Variants in SYNE2 observed in about 807,000 individuals in gnomAD.
The protein encoded by SYNE2 is nesprin-2.
SYNE2 carries 431 observed loss-of-function variants against 856.3 expected under a neutral mutation model. That is an observed-to-expected ratio of 0.50 (90% CI 0.47 to 0.55). SYNE2 has a LOEUF of 0.55. SYNE2 is among the 20% of genes least tolerant of loss of function. The pLI, the probability that SYNE2 is intolerant of heterozygous loss-of-function variation, is 0.00. For synonymous variants in SYNE2, 2,923 were observed against 2,872.3 expected (o/e 1.02, Z -0.56); for missense variants, 8,129 against 8,023.2 (o/e 1.01, Z -0.50).
intron 2 of SYNE2, among the ~76,000 whole-genome samples, chr14:63,916,037 C>T (rs1428336220): frequency 6.6e-6 from 1 of 150,494 alleles, no homozygotes; most frequent in Non-Finnish European, 1.5e-5. Flanking sequence ...AAATTGGGCA[C>T]CTTCAAGAAG....
At position 64,000,729 on chromosome 14, in the gene SYNE2, T is replaced by C. The variant is rs372607035; in HGVS notation, c.3638+10T>C. 5.0e-6 allele frequency: 8 copies of C among 1,608,336 alleles called. No homozygotes were observed. Among genetic ancestry groups the C allele is most frequent in the Non-Finnish European group, 6.8e-6 (8 of 1,177,176 alleles). ...TGACTCTTAATACCAGGTAAAATTC[T>C]GAGATCTATTAACTATGAATCTAAT... On this transcript the variant is annotated intron_variant, in intron 28 of 115. Coordinates refer to ENST00000555002, the MANE Select transcript of SYNE2 (RefSeq NM_182914.3).
intron 94 of SYNE2, 131 bp from the exon 95 acceptor site, chr14:64,174,813 G>A (rs2098426279): frequency 2.5e-6 from 2 of 791,338 alleles, no homozygotes. Flanking sequence ...TGTACATTCT[G>A]ACCCAATTTG....
chr14:63,978,932 A>G lies in SYNE2; in HGVS notation c.1487A>G (p.Asp496Gly). ...YYKCLVLGLV[D>G]EVKSKLDIWN... is the part of the protein sequence containing the mutation. ...AAGTGCTTAGTTCTTGGTTTGGTAG[A>G]TGAAGTGAAATCAAAATTGGATATT... Residue 496 changes from aspartate to glycine, a missense_variant, in exon 14 of 116, where the codon GAT (aspartate) becomes GGT (glycine). Asp to Gly is a moderately conservative substitution (Grantham distance 94). Around this residue, in one of 3 missense-constraint regions of SYNE2, gnomAD observed 2,422 missense variants for 2,357.4 expected, o/e 1.03. Transcript: ENST00000555002. The G allele has an allele frequency of 1.2e-6, 2 of 1,613,252 alleles. No homozygotes were observed. Among genetic ancestry groups the G allele is most frequent in the Non-Finnish European group, 1.7e-6 (2 of 1,179,284 alleles).
At chr14:63,784,266 G>A (rs1887429714) in intron 1 of SYNE2, among the ~76,000 whole-genome samples, 1 of 151,922 alleles carries the variant, frequency 6.6e-6, no homozygotes, top group South Asian at 2.1e-4. Flanking sequence ...GTTGAGGCGG[G>A]TGGATCACGA....
chr14:63,795,964 G>A (rs568701442), intron 1 of SYNE2, among the ~76,000 whole-genome samples: 1 of 152,344 alleles, frequency 6.6e-6, no homozygotes, highest in South Asian at 2.1e-4. Flanking sequence ...ATCTGTGGCA[G>A]TCTAGGGTGA....
intron 50 of SYNE2, among the ~76,000 whole-genome samples, chr14:64,063,152 G>T (rs2153588904): frequency 6.6e-6 from 1 of 152,264 alleles, no homozygotes; most frequent in East Asian, 1.9e-4. Flanking sequence ...CAAGTGATTT[G>T]ATTCTCCTGC....
intron 64 of SYNE2, 85 bp downstream of exon 64, chr14:64,102,127 C>T: frequency 4.1e-6 from 4 of 969,828 alleles, no homozygotes; most frequent in Non-Finnish European, 1.6e-6. Context: ...CTTTCTTTCC[C>T]TACACCCCTG....
rs752370404 is a variant in SYNE2 at position 64,053,556 on chromosome 14, CAA to C, written c.9645_9646del (p.Glu3217ArgfsTer5). The C allele has an allele frequency of 1.1e-5, 17 of 1,614,088 alleles. No homozygotes were observed. Among genetic ancestry groups the C allele is most frequent in the African/African-American group, 2.7e-5 (2 of 74,934 alleles). On this transcript the variant is annotated frameshift_variant, in exon 48 of 116. Transcript: ENST00000555002. LOFTEE classifies it high-confidence loss of function. ...TAAAGCTGTGACTGCTATTGAGAAA[CAA>C]AGAGAAGAAAACTCTTCTGAAGCGA... ...SIKAVTAIEK[Q>X]REENSSEASD...
intron 1 of SYNE2, among the ~76,000 whole-genome samples, chr14:63,773,735 CTA>C (rs1887007480): frequency 6.6e-6 from 1 of 152,042 alleles, no homozygotes; most frequent in South Asian, 2.1e-4. Flanking sequence ...CAAAAAGAAG[CTA>C]TGTTTAATAT....
At chr14:64,066,745 T>C (rs575860301) in intron 51 of SYNE2, among the ~76,000 whole-genome samples, 1 of 152,348 alleles carries the variant, frequency 6.6e-6, no homozygotes. Flanking sequence ...TGAGTTACTA[T>C]GCTGTGCTGA....
rs1263680259 is a variant in SYNE2, at chr14:64,210,113, C to T, written c.18712C>T (p.Arg6238Trp). 1.2e-6 allele frequency: 2 copies of T among 1,613,558 alleles called. No homozygotes were observed. Among genetic ancestry groups the T allele is most frequent in the South Asian group, 1.1e-5 (1 of 91,048 alleles). The change falls in exon 103 of 116, where the codon CGG becomes TGG. Residue 6238 changes from arginine to tryptophan, a missense_variant. Transcript: ENST00000555002. The part of the protein sequence containing the change: ...NLQRRVTAVL[R>W]RLRHFTNQRE... ...TCAGAGGCGGGTCACAGCCGTCCTG[C>T]GGAGACTCAGGGTGAGCTCCTCTGC...
chr14:63,950,116 C>G (rs972714247), intron 7 of SYNE2, 110 bp downstream of exon 7: 21 of 1,205,360 alleles, frequency 1.7e-5, no homozygotes, highest in Non-Finnish European at 2.3e-5. Flanking sequence ...TCACTATCCC[C>G]CTTCCTCTCT....
rs191626536 is a variant in SYNE2 at position 64,149,570 on chromosome 14, G to A, written c.15640-2994G>A. 2.5e-3 allele frequency among the ~76,000 whole-genome samples: 379 copies of A among 152,212 alleles called. 4 individuals are homozygous for A. Among genetic ancestry groups the A allele is most frequent in the South Asian group, 0.024 (115 of 4,818 alleles). ...GAAAATTGTATAGTTGAATAGAGTG[G>A]GGAGGTTTGAGATGAGATTATTAAT... is the stretch of plus-strand genomic sequence containing the variant. On this transcript the variant is annotated intron_variant, in intron 84 of 115. Coordinates refer to ENST00000555002, the MANE Select transcript of SYNE2 (RefSeq NM_182914.3).
At chr14:64,137,741 A>G (rs750250987) in intron 78 of SYNE2, 46 bp from the exon 79 acceptor site, 3 of 1,600,356 alleles carry the variant, frequency 1.9e-6, no homozygotes, top group South Asian at 2.2e-5. Flanking sequence ...AGCTTGGCAG[A>G]CTTTATTTTC....
At chr14:63,869,311 C>A (rs1896239331) in intron 1 of SYNE2, among the ~76,000 whole-genome samples, 1 of 152,096 alleles carries the variant, frequency 6.6e-6, no homozygotes, top group Admixed American at 6.6e-5. Flanking sequence ...CTCTTCTGAG[C>A]CCCTACTTTT....
chr14:64,162,359 A>C (rs1346138265), intron 88 of SYNE2, 83 bp downstream of exon 88: 2 of 1,380,530 alleles, frequency 1.4e-6, no homozygotes, highest in Non-Finnish European at 2.0e-6. Flanking sequence ...TGGGGACCAG[A>C]CAGACCACAG....
chr14:63,787,744 T>C (rs1158632), intron 1 of SYNE2, among the ~76,000 whole-genome samples: 8,097 of 152,262 alleles, frequency 0.053, 291 homozygotes, highest in Admixed American at 0.098. Flanking sequence ...GACAAAGTGC[T>C]CTGGGTCCAT....
At position 64,146,108 on chromosome 14, in the gene SYNE2, G is replaced by A; in HGVS notation, c.15524G>A (p.Ser5175Asn). 6.2e-7 allele frequency: 1 copy of A among 1,600,022 alleles called. No homozygotes were observed. Among genetic ancestry groups the A allele is most frequent in the Non-Finnish European group, 8.5e-7 (1 of 1,171,082 alleles). The change falls in exon 84 of 116, where the codon AGT (serine) becomes AAT (asparagine). Residue 5175 changes from serine (S) to asparagine (N), a missense_variant. Ser to Asn is a conservative substitution (Grantham distance 46). Coordinates refer to ENST00000555002, the MANE Select transcript of SYNE2 (RefSeq NM_182914.3). Reference protein sequence around the residue: ...LEQLLESITESENKIQILNNW... With the variant: ...LEQLLESITENENKIQILNNW... ...CAACTTCTAGAAAGTATCACTGAGA[G>A]TGAAAATAAAATACAGATCTTGAAC...
intron 83 of SYNE2, 89 bp from the exon 84 acceptor site, chr14:64,145,979 G>A (rs952569483): frequency 2.7e-5 from 25 of 920,974 alleles, no homozygotes; most frequent in Non-Finnish European, 3.4e-5. Context: ...TTGAAAAGAA[G>A]CAAAATTGTT....
Sources: allele counts gnomAD v4.1 joint callset (sites outside exome capture counted in the v4.1 genomes callset), GRCh38; gene constraint gnomAD v4.1.1; regional missense constraint gnomAD v4.1.1; transcripts MANE v1.5; gene names NCBI Gene and HGNC (gene_info 2026-07-23, HGNC 2026-07-21).